Variants in RGS12 observed in about 807,000 individuals in gnomAD.
RGS12 encodes the protein regulator of G protein signaling 12.
RGS12 carries 66 observed loss-of-function variants against 120.1 expected under a neutral mutation model. The observed-to-expected ratio is 0.55, with a 90% CI of 0.45 to 0.67. RGS12 has a LOEUF of 0.67. Among genes scored for constraint, RGS12 ranks in the 30% least tolerant of loss-of-function variants. The pLI is 0.00. For missense variants in RGS12, 1,859 were observed against 1,957.7 expected (o/e 0.95, Z 0.95); for synonymous variants, 827 against 804.7 (o/e 1.03, Z -0.47).
intron 2 of RGS12, among the ~76,000 whole-genome samples, chr4:3,319,282 T>G (rs1725025144): frequency 6.6e-6 from 1 of 152,204 alleles, no homozygotes; most frequent in South Asian, 2.1e-4. Context: ...AGAGCGAGAC[T>G]CTGGCTCTAA....
Position 3,389,463 on chromosome 4 carries a change from A to G in RGS12, c.2020+3026A>G, listed in dbSNP as rs1400291852. On this transcript the variant is annotated intron_variant, in intron 4 of 17. Transcript: ENST00000336727. This position sits in a 1 kb window ranked among gnomAD's most constrained non-coding sequence, Gnocchi z 5.2. The stretch of plus-strand genomic sequence containing the variant: ...GGAGATGGGGCGTTGTGAAGAAATG[A>G]GAAAAGGAAGATGCCCGGTTGCTCC... Among the ~76,000 whole-genome samples, 1 of 152,162 alleles carries G rather than the reference A, an allele frequency of 6.6e-6. No homozygotes were observed. The highest frequency in any genetic ancestry group is 2.4e-5 in the African/African-American group (1 of 41,436).
intron 17 of RGS12, chr4:3,431,850 T>C: frequency 1.0e-6 from 1 of 985,540 alleles, no homozygotes; most frequent in Non-Finnish European, 1.2e-6. Context: ...CTGACAGCAG[T>C]GAGAGGCCTG....
In RGS12 at chr4:3,422,902, C is replaced by T. The variant is rs370758881; in HGVS notation, c.3034-3C>T. 11 of 1,612,854 alleles carry T rather than the reference C, an allele frequency of 6.8e-6. No individual in the cohort carries two copies. Among genetic ancestry groups the T allele is most frequent in the African/African-American group, 2.7e-5 (2 of 74,950 alleles). On this transcript the variant is annotated splice_region_variant and splice_polypyrimidine_tract_variant and intron_variant, in intron 11 of 17. Coordinates refer to ENST00000336727, the MANE Select transcript of RGS12 (RefSeq NM_001394154.1). ...CGTTGATTCTGGTCTCTCTGTTCCT[C>T]AGCCTCTGGTGCTGCACCAAGACAG... is the stretch of plus-strand genomic sequence containing the variant.
In RGS12 at chr4:3,359,775, A is replaced by C. The variant is rs560793796; in HGVS notation, c.1998+16722A>C. 3.1e-3 allele frequency among the ~76,000 whole-genome samples: 472 copies of C among 151,870 alleles called. 2 individuals carry two copies. Among genetic ancestry groups the C allele is most frequent in the Non-Finnish European group, 3.9e-3 (267 of 67,918 alleles). On this transcript the variant is annotated intron_variant, in intron 3 of 17. Transcript: ENST00000336727. ...GTAGCTGGGAGAACAGGTGTGTGCC[A>C]CCATGCCTGGCTAATTTTTGTATTT...
At chr4:3,342,560 A>G (rs1490623465) in intron 2 of RGS12, 4 of 1,299,252 alleles carry the variant, frequency 3.1e-6, no homozygotes, top group Non-Finnish European at 4.0e-6. Context: ...TCATCATACT[A>G]GTCATCTTTA....
At chr4:3,427,751 A>G (rs1470949599) in intron 14 of RGS12, among the ~76,000 whole-genome samples, 1 of 152,228 alleles carries the variant, frequency 6.6e-6, no homozygotes, top group African/African-American at 2.4e-5. Flanking sequence ...AAGAAAAAAA[A>G]GAAAGAAAAG....
chr4:3,359,966 G>T (rs1474565454), intron 3 of RGS12, among the ~76,000 whole-genome samples: 1 of 151,970 alleles, frequency 6.6e-6, no homozygotes, highest in Non-Finnish European at 1.5e-5. Flanking sequence ...TCAACATGTT[G>T]CCCATGTTGT....
In RGS12 at chr4:3,305,392, C is replaced by G. The variant is rs548892969; in HGVS notation, c.-101-10678C>G. Among the ~76,000 whole-genome samples the G allele has an allele frequency of 3.3e-5, 5 of 152,290 alleles. 1 individual carries two copies. The South Asian group carries it at 1.0e-3, about 32-fold the overall frequency. On this transcript the variant is annotated intron_variant, in intron 1 of 17. Transcript: ENST00000336727. Reference sequence around the variant, plus strand: ...TGGTCCCAGAGATTCATGTCCCTCCCATGTACAAAATACACTCCCCGCAAG... The same window carrying G: ...TGGTCCCAGAGATTCATGTCCCTCCGATGTACAAAATACACTCCCCGCAAG...
At chr4:3,346,636 G>A (rs1020876132) in intron 3 of RGS12, among the ~76,000 whole-genome samples, 6 of 152,206 alleles carry the variant, frequency 3.9e-5, no homozygotes, top group African/African-American at 1.4e-4. Context: ...GAAGCTGGAA[G>A]AATTGAGGAG....
At chr4:3,292,306 G>T (rs1191170832), upstream of RGS12, among the ~76,000 whole-genome samples, 1 of 152,212 alleles carries the variant, frequency 6.6e-6, no homozygotes, top group Non-Finnish European at 1.5e-5. Context: ...TCGTGCCAGC[G>T]GTGCCTCCGG....
intron 1 of RGS12, among the ~76,000 whole-genome samples, chr4:3,307,288 C>T (rs1042873445): frequency 6.6e-6 from 1 of 152,224 alleles, no homozygotes; most frequent in Non-Finnish European, 1.5e-5. Flanking sequence ...CATGAGCCCG[C>T]GCACCGCTGG....
intron 4 of RGS12, among the ~76,000 whole-genome samples, chr4:3,392,858 G>C (rs1454627415): frequency 6.6e-6 from 1 of 152,104 alleles, no homozygotes; most frequent in Non-Finnish European, 1.5e-5. Flanking sequence ...CATGGTGGCA[G>C]ATGCCTGTAA....
intron 1 of RGS12, among the ~76,000 whole-genome samples, chr4:3,301,878 G>A (rs1165540524): frequency 6.6e-6 from 1 of 152,146 alleles, no homozygotes; most frequent in Non-Finnish European, 1.5e-5. Flanking sequence ...TTTAAACACA[G>A]CCTCTCTCCA....
At chr4:3,315,338 T>G (rs1044551676) in intron 1 of RGS12, among the ~76,000 whole-genome samples, 2 of 152,242 alleles carry the variant, frequency 1.3e-5, no homozygotes, top group Admixed American at 6.5e-5. Context: ...AAGTTTGTTC[T>G]CAATGACAAC....
At chr4:3,386,268 G>T in intron 3 of RGS12, 148 bp from the exon 4 acceptor site, 2 of 736,896 alleles carry the variant, frequency 2.7e-6, no homozygotes, top group South Asian at 1.6e-5. Context: ...TCATTGGGCC[G>T]TCTGGCTTTC....
rs546754677 is a variant in RGS12 at position 3,319,978 on chromosome 4, A to G, written c.1881+1927A>G. On this transcript the variant is annotated intron_variant, in intron 2 of 17. Transcript: ENST00000336727. Reference sequence around the variant, plus strand: ...GGATGGGAGGTGAAGGGCCCTGGAAAGTGGTGAAAATGTTCTTTGGAATCA... The same window carrying G: ...GGATGGGAGGTGAAGGGCCCTGGAAGGTGGTGAAAATGTTCTTTGGAATCA... 2.6e-5 allele frequency among the ~76,000 whole-genome samples: 4 copies of G among 152,346 alleles called. No homozygotes were observed. The South Asian group carries it at 8.3e-4, about 32-fold the overall frequency.
At chr4:3,333,135 GT>G (rs1480044759) in intron 2 of RGS12, among the ~76,000 whole-genome samples, 1 of 149,990 alleles carries the variant, frequency 6.7e-6, no homozygotes, top group Non-Finnish European at 1.5e-5. Context: ...TGCAGGCTCC[GT>G]CCCCCAGGGT....
chr4:3,345,620 TACC>T (rs1231699842), intron 3 of RGS12, among the ~76,000 whole-genome samples: 1 of 152,226 alleles, frequency 6.6e-6, no homozygotes, highest in Admixed American at 6.5e-5. Context: ...AGGCGCAGTC[TACC>T]TGAGTCCACT....
intron 1 of RGS12, among the ~76,000 whole-genome samples, chr4:3,308,865 C>T (rs1232661640): frequency 1.3e-5 from 2 of 152,282 alleles, no homozygotes; most frequent in African/African-American, 4.8e-5. Flanking sequence ...TGTGCCCTCC[C>T]AGGCCCTTTG....
Sources: gnomAD v4.1 joint callset for allele counts (sites outside exome capture counted in the v4.1 genomes callset) on GRCh38, gnomAD v4.1.1 for gene constraint, Gnocchi (gnomAD v3.1) non-coding constraint, MANE v1.5 for transcripts, NCBI Gene and HGNC (gene_info 2026-07-23, HGNC 2026-07-21) for gene names.